CACNA2D3: variants seen among roughly 807,000 people sequenced by gnomAD.
CACNA2D3 encodes calcium voltage-gated channel auxiliary subunit alpha2delta 3.
In CACNA2D3, 60 loss-of-function variants were observed where a neutral mutation model predicts 160.6. That is an observed-to-expected ratio of 0.37 (90% CI 0.30 to 0.46). The LOEUF is 0.46. CACNA2D3 is among the 20% of genes least tolerant of loss of function. The pLI is 1.00. For synonymous variants in CACNA2D3, 558 were observed against 492.9 expected (o/e 1.13, Z -1.75); for missense variants, 1,205 against 1,365.0 (o/e 0.88, Z 1.85).
intron 21 of CACNA2D3, among the ~76,000 whole-genome samples, chr3:54,882,170 T>C (rs1396493946): frequency 6.6e-6 from 1 of 152,194 alleles, no homozygotes; most frequent in Middle Eastern, 3.2e-3. Flanking sequence ...ACTTCTAGAA[T>C]TTTCTGCCTC....
At chr3:54,977,350 G>A (rs1461385255) in intron 29 of CACNA2D3, among the ~76,000 whole-genome samples, 7 of 152,104 alleles carry the variant, frequency 4.6e-5, no homozygotes, top group African/African-American at 7.2e-5. Flanking sequence ...CTTCCTGTGC[G>A]ATTGGAGCTG....
intron 17 of CACNA2D3, among the ~76,000 whole-genome samples, chr3:54,853,245 G>A (rs909642892): frequency 2.6e-5 from 4 of 151,974 alleles, no homozygotes; most frequent in East Asian, 1.9e-4. Flanking sequence ...CTTGGAAAAC[G>A]TCTATTGTTT....
chr3:54,192,370 C>T (rs1269463353), intron 2 of CACNA2D3, among the ~76,000 whole-genome samples: 1 of 152,154 alleles, frequency 6.6e-6, no homozygotes, highest in African/African-American at 2.4e-5. Flanking sequence ...TTGAGTTTCA[C>T]CATGCAACAT....
chr3:54,164,104 G>A (rs945719593), intron 2 of CACNA2D3, among the ~76,000 whole-genome samples: 5 of 152,210 alleles, frequency 3.3e-5, no homozygotes, highest in Non-Finnish European at 5.9e-5. Context: ...GGGAGACAGG[G>A]AGAGGCCACT....
chr3:54,272,282 C>A (rs1325283061), intron 2 of CACNA2D3, among the ~76,000 whole-genome samples: 2 of 152,226 alleles, frequency 1.3e-5, no homozygotes, highest in Non-Finnish European at 2.9e-5. Flanking sequence ...TACCTCAAGG[C>A]TAGAGCAGTT....
chr3:54,254,465 T>C (rs1312747534), intron 2 of CACNA2D3, among the ~76,000 whole-genome samples: 1 of 152,230 alleles, frequency 6.6e-6, no homozygotes, highest in Non-Finnish European at 1.5e-5. Flanking sequence ...ATCCACCAAA[T>C]GCAATCTTCC....
At chr3:54,739,717 C>A (rs915585347) in intron 11 of CACNA2D3, among the ~76,000 whole-genome samples, 2 of 150,306 alleles carry the variant, frequency 1.3e-5, no homozygotes, top group African/African-American at 4.9e-5. Flanking sequence ...CAGTAGCGAC[C>A]CAGTTCTGGA....
At chr3:54,445,555 T>TACACACACACACAC (rs3028897) in intron 4 of CACNA2D3, among the ~76,000 whole-genome samples, 5,497 of 147,138 alleles carry the variant, frequency 0.037, 138 homozygotes, top group Non-Finnish European at 0.043. Context: ...TTTCTATGTA[T>TACACACACACACAC]ACACACACAC....
At chr3:54,547,296 T>G (rs1702080012) in intron 5 of CACNA2D3, among the ~76,000 whole-genome samples, 1 of 152,120 alleles carries the variant, frequency 6.6e-6, no homozygotes, top group Non-Finnish European at 1.5e-5. Context: ...AACCTGTAGA[T>G]CTTTGCATGA....
At chr3:54,672,665 A>C (rs542784117) in intron 11 of CACNA2D3, among the ~76,000 whole-genome samples, 1 of 152,356 alleles carries the variant, frequency 6.6e-6, no homozygotes, top group East Asian at 1.9e-4. Flanking sequence ...CCTGGGAGCA[A>C]CTTGTTTGGC....
At chr3:54,839,057 A>G (rs1698757635) in intron 16 of CACNA2D3, among the ~76,000 whole-genome samples, 1 of 152,244 alleles carries the variant, frequency 6.6e-6, no homozygotes, top group African/African-American at 2.4e-5. Flanking sequence ...GGAGATGGAG[A>G]CCATCCTGGC....
intron 2 of CACNA2D3, among the ~76,000 whole-genome samples, chr3:54,213,212 A>G (rs1701406704): frequency 6.6e-6 from 1 of 152,214 alleles, no homozygotes; most frequent in Non-Finnish European, 1.5e-5. Context: ...ATGCCCAGGT[A>G]ATTTGCTTCC....
At chr3:54,125,004 A>C (rs758145084) in intron 2 of CACNA2D3, among the ~76,000 whole-genome samples, 8 of 152,186 alleles carry the variant, frequency 5.3e-5, no homozygotes, top group Non-Finnish European at 1.0e-4. Context: ...CACTTGTCAG[A>C]TGTTTGATGT....
chr3:55,010,781 A>G (rs1343851239), intron 34 of CACNA2D3, among the ~76,000 whole-genome samples: 2 of 152,158 alleles, frequency 1.3e-5, no homozygotes, highest in Non-Finnish European at 2.9e-5. Context: ...CAACTCCCTC[A>G]GGCAGAATGA....
In CACNA2D3 at chr3:54,763,833, A is replaced by G. The variant is rs1480387220; in HGVS notation, c.1247-385A>G. Among the ~76,000 whole-genome samples the G allele has an allele frequency of 5.4e-5, 4 of 73,882 alleles. 1 individual carries two copies. The highest frequency in any genetic ancestry group is 1.8e-4 in the African/African-American group (4 of 22,520). The allele number at this position is 73,882 out of a possible 152,430, so 48.5% of individuals were successfully genotyped here. On this transcript the variant is annotated intron_variant, in intron 12 of 37. Coordinates refer to ENST00000474759, the MANE Select transcript of CACNA2D3 (RefSeq NM_018398.3). ...TATACATATATATATACGTATATAT[A>G]TGTATATATATGTACATATATATAC...
intron 13 of CACNA2D3, chr3:54,789,781 A>G: frequency 6.1e-6 from 3 of 488,704 alleles, no homozygotes; most frequent in Non-Finnish European, 1.2e-5. Context: ...GGATTGAGGC[A>G]GTGTTCACTG....
intron 5 of CACNA2D3, among the ~76,000 whole-genome samples, chr3:54,524,893 A>G (rs1462019095): frequency 6.6e-6 from 1 of 152,106 alleles, no homozygotes; most frequent in East Asian, 1.9e-4. Context: ...CTTTGAATCT[A>G]AAGTGTTTCT....
At chr3:54,768,997 G>A (rs887990927) in intron 13 of CACNA2D3, among the ~76,000 whole-genome samples, 2 of 152,156 alleles carry the variant, frequency 1.3e-5, no homozygotes, top group Non-Finnish European at 2.9e-5. Flanking sequence ...GGTCTGCCGG[G>A]TGAAGAGAAG....
At chr3:54,386,054 G>A in intron 3 of CACNA2D3, 1 of 448,532 alleles carries the variant, frequency 2.2e-6, no homozygotes, top group East Asian at 5.8e-5. Flanking sequence ...ATTATGAAAT[G>A]GGTTTCATAA....
Sources: allele counts gnomAD v4.1 joint callset (sites outside exome capture counted in the v4.1 genomes callset), GRCh38; gene constraint gnomAD v4.1.1; transcripts MANE v1.5; gene names NCBI Gene and HGNC (gene_info 2026-07-23, HGNC 2026-07-21).